The following DNMBP variants were observed in gnomAD, a reference collection of about 807,000 sequenced individuals.
DNMBP encodes the protein dynamin binding protein.
In DNMBP, 87 loss-of-function variants were observed where a neutral mutation model predicts 150.0. The ratio of observed to expected loss-of-function variants is 0.58; its 90% CI spans 0.49 to 0.69. The LOEUF is 0.69. Ranked by LOEUF, DNMBP falls within the 30% of genes least tolerant of loss-of-function variation. The probability of loss-of-function intolerance (pLI) is 0.00; values close to 1 mark genes in which losing one functional copy is unlikely to be tolerated. For synonymous variants in DNMBP, 711 were observed against 750.4 expected, an observed-to-expected ratio of 0.95 and a Z score of 0.86; for missense variants, 1,774 against 1,949.0, an observed-to-expected ratio of 0.91 and a Z score of 1.69.
rs750532651 is a variant in DNMBP at position 99,880,132 on chromosome 10, C to G, written c.4227G>C (p.Pro1409=). 6.2e-7 allele frequency: 1 copy of G among 1,614,074 alleles called. No homozygotes were observed. The highest frequency in any genetic ancestry group is 1.1e-5 in the South Asian group (1 of 91,078). Residue 1409 remains proline (P), a synonymous_variant, in exon 16 of 17, where the codon CCG becomes CCC. Transcript: ENST00000324109. ...GAGTTCCTTGGTCACATTCTTTTGG[C>G]GGAGGAGATGCATCTTGAGGCTGCT... The part of the protein sequence containing the change: ...CQKQPQDASP[P]PKECDQGTLS...
intron 1 of DNMBP, among the ~76,000 whole-genome samples, chr10:99,980,551 T>C (rs960754940): frequency 3.3e-5 from 5 of 151,964 alleles, no homozygotes; most frequent in Admixed American, 2.6e-4. Flanking sequence ...CTAATGCCTG[T>C]AATCTTAGCA....
intron 4 of DNMBP, chr10:99,929,607 C>T (rs1280788205): frequency 1.5e-6 from 1 of 671,252 alleles, no homozygotes; most frequent in African/African-American, 1.8e-5. Context: ...TGAGTTCATA[C>T]CTTGGGTTTT....
At chr10:99,885,954 C>T in intron 13 of DNMBP, 88 bp from the exon 14 acceptor site, 1 of 1,258,656 alleles carries the variant, frequency 7.9e-7, no homozygotes, top group East Asian at 2.5e-5. Context: ...GATGAAAGAT[C>T]CCGGATTGAC....
chr10:99,977,178 C>T (rs2040737013), intron 1 of DNMBP, among the ~76,000 whole-genome samples: 1 of 152,186 alleles, frequency 6.6e-6, no homozygotes, highest in South Asian at 2.1e-4. Context: ...CTGAGGAGCA[C>T]ACACCCTAGA....
At chr10:99,948,145 A>G (rs1311489313) in intron 4 of DNMBP, among the ~76,000 whole-genome samples, 2 of 152,214 alleles carry the variant, frequency 1.3e-5, no homozygotes, top group African/African-American at 4.8e-5. Context: ...CAGGTAGAGA[A>G]TATTTTTACA....
In DNMBP at chr10:99,905,300, C is replaced by A. The variant is rs74936430; in HGVS notation, c.2554+2695G>T. On this transcript the variant is annotated intron_variant, in intron 6 of 16. Transcript: ENST00000324109. ...ACTGTTCCAGAAAATGCAAAAGACA[C>A]AGTTGTATTCTGTATAGAGGCTAAT... 4.3e-3 allele frequency among the ~76,000 whole-genome samples: 660 copies of A among 152,306 alleles called. 7 individuals carry two copies. Among genetic ancestry groups the A allele is most frequent in the African/African-American group, 0.015 (621 of 41,568 alleles).
In DNMBP at chr10:99,879,880, A is replaced by G; in HGVS notation, c.4479T>C (p.Cys1493=). Residue 1493 remains cysteine (C), a synonymous_variant, in exon 16 of 17, where the codon TGT becomes TGC. Coordinates refer to ENST00000324109, the MANE Select transcript of DNMBP (RefSeq NM_015221.4). ...CTTCCGGAGCCTGGGCTGTTCTTGCACATCCTTTGACGAGGTCTTGACTTT... is the reference window on the plus strand; with the variant it reads ...CTTCCGGAGCCTGGGCTGTTCTTGCGCATCCTTTGACGAGGTCTTGACTTT... ...NGQSQDLVKG[C]ARTAQAPEDR... 1 of 1,614,220 alleles carries G rather than the reference A, an allele frequency of 6.2e-7. No individual in the cohort carries two copies. Among genetic ancestry groups the G allele is most frequent in the Non-Finnish European group, 8.5e-7 (1 of 1,180,048 alleles).
chr10:100,004,178 G>T (rs1180170238), intron 1 of DNMBP, among the ~76,000 whole-genome samples: 1 of 151,590 alleles, frequency 6.6e-6, no homozygotes, highest in East Asian at 1.9e-4. Context: ...CTGGGAGGTT[G>T]AGGCTGCAGT....
intron 4 of DNMBP, among the ~76,000 whole-genome samples, chr10:99,946,394 T>C (rs1030002990): frequency 6.6e-6 from 1 of 152,246 alleles, no homozygotes; most frequent in Non-Finnish European, 1.5e-5. Flanking sequence ...GCTCTGTGTA[T>C]TTAAAATACT....
chr10:99,929,978 A>G, intron 4 of DNMBP: 1 of 702,904 alleles, frequency 1.4e-6, no homozygotes. Flanking sequence ...TATTTTCTGT[A>G]TCAAAATCAC....
Position 99,976,439 on chromosome 10 carries a change from T to C in DNMBP, c.-10-4305A>G, listed in dbSNP as rs542302817. On this transcript the variant is annotated intron_variant, in intron 1 of 16. Transcript: ENST00000324109. ...TGTGATACACAATACCAGCACTGTC[T>C]ATCTTTTAGGCCTTTCTCTTTCAAC... Among the ~76,000 whole-genome samples the C allele has an allele frequency of 1.4e-3, 206 of 152,346 alleles. 1 individual carries two copies. Among genetic ancestry groups the C allele is most frequent in the Admixed American group, 1.2e-3 (18 of 15,304 alleles).
intron 1 of DNMBP, among the ~76,000 whole-genome samples, chr10:99,977,108 T>A (rs1417592391): frequency 6.6e-6 from 1 of 152,196 alleles, no homozygotes. Context: ...GAGGAGAATC[T>A]GGCTCAATAA....
Position 99,885,710 on chromosome 10 carries a change from C to A in DNMBP, c.3775G>T (p.Ala1259Ser), listed in dbSNP as rs868620072. 3 of 1,577,728 alleles carry A rather than the reference C, an allele frequency of 1.9e-6. No individual in the cohort carries two copies. Among genetic ancestry groups the A allele is most frequent in the South Asian group, 2.3e-5 (2 of 86,536 alleles). Residue 1259 changes from alanine (A) to serine (S), a missense_variant, in exon 14 of 17, where the codon GCT becomes TCT. Coordinates refer to ENST00000324109, the MANE Select transcript of DNMBP (RefSeq NM_015221.4). ...FERKTIDRQS[A>S]RKPLLGLPSY... ...ACCAGGCCCAGGAGTGGCTTTCGAG[C>A]AGACTGGCGGTCAATGGTTTTCCTC... is the stretch of plus-strand genomic sequence containing the variant.
chr10:99,951,726 C>T (rs939313120), intron 4 of DNMBP, among the ~76,000 whole-genome samples: 2 of 152,206 alleles, frequency 1.3e-5, no homozygotes, highest in African/African-American at 4.8e-5. Context: ...TGCCTGTATC[C>T]CCATTGTTTC....
chr10:99,913,993 TG>T, intron 4 of DNMBP: 1 of 1,499,902 alleles, frequency 6.7e-7, no homozygotes, highest in African/African-American at 1.4e-5. Flanking sequence ...GGTGTGGGCC[TG>T]AGGGTAAGCA....
intron 4 of DNMBP, 67 bp from the exon 5 acceptor site, chr10:99,909,213 G>A: frequency 3.7e-6 from 5 of 1,337,290 alleles, no homozygotes; most frequent in South Asian, 2.7e-5. Context: ...ACAGTTTGAG[G>A]CAAACAGAAC....
At chr10:99,930,281 A>ACAGT (rs1329492187) in intron 4 of DNMBP, 3 of 702,842 alleles carry the variant, frequency 4.3e-6, no homozygotes, top group Non-Finnish European at 7.8e-6. Context: ...CCAAACCCCT[A>ACAGT]CAGTCAGTCA....
At chr10:99,903,756 C>T (rs1363973502) in intron 6 of DNMBP, among the ~76,000 whole-genome samples, 1 of 152,198 alleles carries the variant, frequency 6.6e-6, no homozygotes, top group Non-Finnish European at 1.5e-5. Flanking sequence ...CTTCACCATC[C>T]AGACATGATT....
At chr10:99,892,981 G>T (rs920084315) in intron 11 of DNMBP, among the ~76,000 whole-genome samples, 4 of 152,046 alleles carry the variant, frequency 2.6e-5, no homozygotes, top group Admixed American at 6.6e-5. Context: ...TAGATACAGA[G>T]ATCAACAAAC....
Sources: allele counts gnomAD v4.1 joint callset (sites outside exome capture counted in the v4.1 genomes callset), GRCh38; gene constraint gnomAD v4.1.1; transcripts MANE v1.5; gene names NCBI Gene and HGNC (gene_info 2026-07-23, HGNC 2026-07-21).